Variants in GSN observed in about 807,000 individuals in gnomAD.
GSN encodes the protein actin-depolymerizing factor.
Under a neutral mutation model 85.7 loss-of-function variants are expected in GSN, and 56 were observed. The observed-to-expected ratio is 0.65, with a 90% CI of 0.53 to 0.82. The LOEUF is 0.82. Ranked by LOEUF, GSN falls within the 40% of genes least tolerant of loss-of-function variation. GSN has a pLI of 0.00. For synonymous variants in GSN, 373 were observed against 399.1 expected (o/e 0.93, Z 0.78); for missense variants, 857 against 979.8 (o/e 0.87, Z 1.67).
intron 5 of GSN, among the ~76,000 whole-genome samples, chr9:121,241,370 A>C (rs1588463521): frequency 6.6e-6 from 1 of 152,248 alleles, no homozygotes; most frequent in South Asian, 2.1e-4. Flanking sequence ...AGGTCTTTTA[A>C]CTTGAAAATA....
At chr9:121,268,092 C>G (rs929833832), upstream of GSN, 4 of 151,588 alleles carry the variant, frequency 2.6e-5, no homozygotes, top group Non-Finnish European at 4.4e-5. Context: ...CGCCCCGCCC[C>G]GAGGGCGGCT....
At chr9:121,202,130 A>C in the GSN span, among the ~76,000 whole-genome samples, 1 of 151,836 alleles carries the variant, frequency 6.6e-6, no homozygotes, top group Admixed American at 6.5e-5. Flanking sequence ...CTCTTGGGGG[A>C]GCTACTGCGC....
At chr9:121,305,735 A>G (rs2060340329) in intron 4 of GSN, among the ~76,000 whole-genome samples, 1 of 152,188 alleles carries the variant, frequency 6.6e-6, no homozygotes, top group African/African-American at 2.4e-5. Flanking sequence ...TTCTGTCCTG[A>G]AAGGCGCTGG....
At chr9:121,279,342 G>A (rs943181801) in intron 1 of GSN, among the ~76,000 whole-genome samples, 1 of 152,212 alleles carries the variant, frequency 6.6e-6, no homozygotes, top group Non-Finnish European at 1.5e-5. Flanking sequence ...GGGCAGAGGA[G>A]TGGCATGGTC....
intron 2 of GSN, among the ~76,000 whole-genome samples, chr9:121,296,452 G>C (rs955250901): frequency 3.9e-5 from 6 of 152,200 alleles, no homozygotes; most frequent in African/African-American, 1.4e-4. Flanking sequence ...CCATTTTACA[G>C]ATGGAACCCT....
Position 121,318,302 on chromosome 9 carries a change from T to A in GSN, c.887-104T>A. The A allele has an allele frequency of 3.3e-6, 3 of 920,518 alleles. No homozygotes were observed. The highest frequency in any genetic ancestry group is 5.4e-6 in the Non-Finnish European group (3 of 550,834). The allele number at this position is 920,518 out of a possible 1,614,324, so 57.0% of individuals were successfully genotyped here. A position where few individuals can be genotyped will look rare whatever the true frequency, so the allele number is the denominator to read the frequency against. ...TTGGCTGTCCACAGTCTAAGAAGAGTAGGGAGGGAAGTTTGGCAGCTCCTT... is the reference window on the plus strand; with the variant it reads ...TTGGCTGTCCACAGTCTAAGAAGAGAAGGGAGGGAAGTTTGGCAGCTCCTT... On this transcript the variant is annotated intron_variant, in intron 8 of 17. Transcript: ENST00000432226. This position sits in a 1 kb window ranked among gnomAD's most constrained non-coding sequence, Gnocchi z 4.3.
At chr9:121,278,231 A>G (rs990584140) in intron 1 of GSN, among the ~76,000 whole-genome samples, 1 of 152,216 alleles carries the variant, frequency 6.6e-6, no homozygotes, top group Non-Finnish European at 1.5e-5. Context: ...AAATGAGGAC[A>G]AAGATTGCTG....
At chr9:121,279,029 AGCCCTAG>A (rs2057013118) in intron 1 of GSN, among the ~76,000 whole-genome samples, 1 of 152,184 alleles carries the variant, frequency 6.6e-6, no homozygotes, top group African/African-American at 2.4e-5. Context: ...CGGTGGTCCC[AGCCCTAG>A]GCCAGGCTCT....
Position 121,216,226 on chromosome 9 carries a change from A to G in GSN, c.-528+5359A>G, listed in dbSNP as rs527943554. 2.6e-5 allele frequency among the ~76,000 whole-genome samples: 4 copies of G among 152,150 alleles called. No homozygotes were observed. In the South Asian group the frequency reaches 8.3e-4, roughly 32 times the overall value. The stretch of plus-strand genomic sequence containing the variant: ...GCCTCCCAAAGTTCTGGAATTACAG[A>G]CGTGAGCCACTGCACCCGGCCCATC... On this transcript the variant is annotated intron_variant, in intron 4 of 24. Coordinates refer to the GSN transcript ENST00000373823.
At chr9:121,306,734 T>G (rs1467927495) in intron 4 of GSN, among the ~76,000 whole-genome samples, 1 of 152,232 alleles carries the variant, frequency 6.6e-6, no homozygotes, top group Non-Finnish European at 1.5e-5. Context: ...AAAACTTCTT[T>G]CCCCTGCCCT....
At chr9:121,276,738 C>T (rs1427258690) in intron 1 of GSN, among the ~76,000 whole-genome samples, 1 of 152,028 alleles carries the variant, frequency 6.6e-6, no homozygotes, top group Non-Finnish European at 1.5e-5. Context: ...TCTCATGAAA[C>T]CTAAGGCCTG....
chr9:121,258,605 C>A (rs1817879872), intron 6 of GSN, among the ~76,000 whole-genome samples: 1 of 152,136 alleles, frequency 6.6e-6, no homozygotes. Flanking sequence ...GGTATCTTAG[C>A]CTTACTAATT....
chr9:121,326,027 T>C (rs773434714), intron 12 of GSN, among the ~76,000 whole-genome samples: 7 of 151,252 alleles, frequency 4.6e-5, no homozygotes, highest in Non-Finnish European at 1.0e-4. Flanking sequence ...GGTGTACATC[T>C]TCCCTGCCTC....
intron 1 of GSN, chr9:121,280,384 G>C (rs1357763165): frequency 6.6e-6 from 1 of 152,272 alleles, no homozygotes; most frequent in African/African-American, 2.4e-5. Context: ...CACATGCCAT[G>C]CTGAAGCTTT....
intron 4 of GSN, among the ~76,000 whole-genome samples, chr9:121,225,067 C>T (rs1461654199): frequency 3.3e-5 from 5 of 152,162 alleles, no homozygotes. Flanking sequence ...GATCCTCCCA[C>T]CTCGGCCTCC....
At position 121,246,549 on chromosome 9, in the gene GSN, C is replaced by T. The variant is rs576527001; in HGVS notation, c.-388-1727C>T. ...AATAGAAACCTTAGCATAGTTTAGG[C>T]AAAATTTAGAGATTTATTATGGAAA... On this transcript the variant is annotated intron_variant, in intron 5 of 24. Coordinates refer to the GSN transcript ENST00000373823. Among the ~76,000 whole-genome samples the T allele has an allele frequency of 3.4e-4, 51 of 152,234 alleles. 1 individual carries two copies. Among genetic ancestry groups the T allele is most frequent in the African/African-American group, 1.2e-3 (51 of 41,538 alleles).
intron 8 of GSN, 62 bp downstream of exon 8, chr9:121,317,280 G>A (rs2061829840): frequency 2.5e-6 from 4 of 1,574,984 alleles, no homozygotes; most frequent in Non-Finnish European, 3.5e-6. Context: ...ATGTTCTGCA[G>A]CTCCCAGGAA....
intron 1 of GSN, among the ~76,000 whole-genome samples, chr9:121,277,593 C>T (rs4837827): frequency 0.38 from 57,537 of 151,980 alleles, 13,579 homozygotes; most frequent in East Asian, 0.62. Flanking sequence ...TTGTCTTTGA[C>T]ATCTGACTTA....
Position 121,313,963 on chromosome 9 carries a change from A to G in GSN, c.693A>G (p.Ala231=). Residue 231 remains alanine, a synonymous_variant, in exon 7 of 18, where the codon GCA becomes GCG. Coordinates refer to ENST00000432226, the MANE Select transcript of GSN (RefSeq NM_198252.3). ...QVLGPKPALP[A]GTEDTAKEDA... ...TGGGCCCCAAGCCGGCTCTGCCTGCAGGTACCGAGGACACCGCCAAGGAGG... is the reference window on the plus strand; with the variant it reads ...TGGGCCCCAAGCCGGCTCTGCCTGCGGGTACCGAGGACACCGCCAAGGAGG... The G allele has an allele frequency of 6.2e-7, 1 of 1,614,136 alleles. No individual in the cohort carries two copies. Among genetic ancestry groups the G allele is most frequent in the South Asian group, 1.1e-5 (1 of 91,082 alleles).
Sources: allele counts gnomAD v4.1 joint callset (sites outside exome capture counted in the v4.1 genomes callset), GRCh38; gene constraint gnomAD v4.1.1; non-coding constraint Gnocchi (gnomAD v3.1); transcripts MANE v1.5; gene names NCBI Gene and HGNC (gene_info 2026-07-23, HGNC 2026-07-21).